The following TRAF6 variants were observed in gnomAD, a reference collection of about 807,000 sequenced individuals.
TRAF6 encodes the protein TNF receptor-associated factor 6.
Under a neutral mutation model 48.4 loss-of-function variants are expected in TRAF6, and 10 were observed. The observed-to-expected ratio is 0.21, with a 90% CI of 0.13 to 0.35. TRAF6 has a LOEUF of 0.35. TRAF6 is among the 10% of genes least tolerant of loss of function. TRAF6 has a pLI of 1.00. For missense variants in TRAF6, 397 were observed against 661.0 expected, an observed-to-expected ratio of 0.60 and a Z score of 4.38; for synonymous variants, 186 against 219.6, an observed-to-expected ratio of 0.85 and a Z score of 1.35.
At position 36,484,044 on chromosome 11, in the gene TRAF6, C is replaced by A. The variant is rs975468378; in HGVS notation, c.*5794G>T. ...TCACAACCTGGGTTGAGAAAGGTCA[C>A]ACTTCTCTACTTACTAAAATGGAGT... On this transcript the variant is annotated 3_prime_UTR_variant, in exon 7 of 7. Transcript: ENST00000526995. 6.6e-6 allele frequency among the ~76,000 whole-genome samples: 1 copy of A among 152,174 alleles called. No individual in the cohort carries two copies. Among genetic ancestry groups the A allele is most frequent in the African/African-American group, 2.4e-5 (1 of 41,434 alleles).
At chr11:36,502,697 C>T (rs1054567598) in intron 1 of TRAF6, among the ~76,000 whole-genome samples, 4 of 152,122 alleles carry the variant, frequency 2.6e-5, no homozygotes, top group African/African-American at 7.2e-5. Context: ...CAATGAGGTA[C>T]TATTCTGGCT....
At position 36,495,047 on chromosome 11, in the gene TRAF6, T is replaced by G; in HGVS notation, c.607A>C (p.Ile203Leu). 6.3e-7 allele frequency: 1 copy of G among 1,598,118 alleles called. No homozygotes were observed. Among genetic ancestry groups the G allele is most frequent in the East Asian group, 2.2e-5 (1 of 44,598 alleles). ...AASMAFEDKE[I>L]HDQNCPLANV... ...GCCAAAGGACAGTTCTGGTCATGGATCTGAATTTTATTAGAGAAATATAAT... is the reference window on the plus strand; with the variant it reads ...GCCAAAGGACAGTTCTGGTCATGGAGCTGAATTTTATTAGAGAAATATAAT... Residue 203 changes from isoleucine to leucine, a missense_variant and splice_region_variant, in exon 5 of 7, where the codon ATC (isoleucine) becomes CTC (leucine). This residue lies in a region of TRAF6 where 245 missense variants were observed against 349.1 expected (regional missense o/e 0.70). Coordinates refer to ENST00000526995, the MANE Select transcript of TRAF6 (RefSeq NM_004620.4).
Position 36,501,495 on chromosome 11 carries a change from T to G in TRAF6, c.21A>C (p.Glu7Asp). ...CAGACTGGCTGGATCCACAGCTGTTTTCACAGTTTAGCAGACTCATAGTAA... is the reference window on the plus strand; with the variant it reads ...CAGACTGGCTGGATCCACAGCTGTTGTCACAGTTTAGCAGACTCATAGTAA... MSLLNC[E>D]NSCGSSQSES... The change falls in exon 2 of 7, where the codon GAA becomes GAC. Residue 7 changes from glutamate (E) to aspartate (D), a missense_variant. Physicochemically the swap from Glu to Asp is conservative, Grantham distance 45. This residue lies in a region of TRAF6 where 73 missense variants were observed against 87.3 expected (regional missense o/e 0.84). Coordinates refer to ENST00000526995, the MANE Select transcript of TRAF6 (RefSeq NM_004620.4). 1 of 1,609,772 alleles carries G rather than the reference T, an allele frequency of 6.2e-7. No homozygotes were observed. The highest frequency in any genetic ancestry group is 8.5e-7 in the Non-Finnish European group (1 of 1,176,678).
At position 36,507,750 on chromosome 11, in the gene TRAF6, CATGT is replaced by C. The variant is rs1426305302; in HGVS notation, c.-23+2294_-23+2297del. On this transcript the variant is annotated intron_variant, in intron 1 of 6. Coordinates refer to ENST00000526995, the MANE Select transcript of TRAF6 (RefSeq NM_004620.4). ...ATATATGTATATATACACATACATA[CATGT>C]ATTATACATATAAACATATACAAAT... 1.0e-4 allele frequency among the ~76,000 whole-genome samples: 14 copies of C among 134,282 alleles called. No homozygotes were observed. In the South Asian group the frequency reaches 1.2e-3, roughly 11 times the overall value. The allele number at this position is 134,282 out of a possible 152,430, so 88.1% of individuals were successfully genotyped here. A position where few individuals can be genotyped will look rare whatever the true frequency, so the allele number is the denominator to read the frequency against.
intron 1 of TRAF6, among the ~76,000 whole-genome samples, chr11:36,507,102 T>C (rs1367439473): frequency 6.7e-6 from 1 of 149,434 alleles, no homozygotes; most frequent in African/African-American, 2.4e-5. Context: ...TATATACGTG[T>C]ATATATGTAT....
chr11:36,484,025 C>A lies in TRAF6; in HGVS notation c.*5813G>T, dbSNP rs1278565893. 1.3e-5 allele frequency among the ~76,000 whole-genome samples: 2 copies of A among 152,136 alleles called. No individual in the cohort carries two copies. The highest frequency in any genetic ancestry group is 2.9e-5 in the Non-Finnish European group (2 of 68,032). The stretch of plus-strand genomic sequence containing the variant: ...GATAAGTGTGAATCCACATTCACAA[C>A]CTGGGTTGAGAAAGGTCACACTTCT... On this transcript the variant is annotated 3_prime_UTR_variant, in exon 7 of 7. Coordinates refer to ENST00000526995, the MANE Select transcript of TRAF6 (RefSeq NM_004620.4).
At position 36,487,004 on chromosome 11, in the gene TRAF6, T is replaced by C. The variant is rs1859493613; in HGVS notation, c.*2834A>G. On this transcript the variant is annotated 3_prime_UTR_variant, in exon 7 of 7. Coordinates refer to ENST00000526995, the MANE Select transcript of TRAF6 (RefSeq NM_004620.4). ...TGCTTGGGAGGCTGAGGCAGGAGAATGGCTTGAGCCCGGGAGGTGGAGGTT... is the reference window on the plus strand; with the variant it reads ...TGCTTGGGAGGCTGAGGCAGGAGAACGGCTTGAGCCCGGGAGGTGGAGGTT... The C allele has an allele frequency of 6.6e-6, 1 of 152,250 alleles. No individual in the cohort carries two copies. The highest frequency in any genetic ancestry group is 6.5e-5 in the Admixed American group (1 of 15,272). The allele number at this position is 152,250 out of a possible 1,614,324, so 9.4% of individuals were successfully genotyped here. A position where few individuals can be genotyped will look rare whatever the true frequency, so the allele number is the denominator to read the frequency against.
intron 4 of TRAF6, among the ~76,000 whole-genome samples, chr11:36,495,976 T>A (rs1253025817): frequency 1.3e-5 from 2 of 152,164 alleles, no homozygotes; most frequent in African/African-American, 4.8e-5. Flanking sequence ...GTTAGCTAAC[T>A]TTTTTTGAAT....
At position 36,494,999 on chromosome 11, in the gene TRAF6, T is replaced by C; in HGVS notation, c.655A>G (p.Asn219Asp). The change falls in exon 5 of 7, where the codon AAT becomes GAT. Residue 219 changes from asparagine (N) to aspartate (D), a missense_variant. This residue lies in a region of TRAF6 where 245 missense variants were observed against 349.1 expected (regional missense o/e 0.70). Coordinates refer to ENST00000526995, the MANE Select transcript of TRAF6 (RefSeq NM_004620.4). The part of the protein sequence containing the change: ...PLANVICEYC[N>D]TILIREQMPN... ...ACCTGTTCTCTGATGAGTATAGTAT[T>C]GCAGTATTCACAGATGACATTTGCC... is the stretch of plus-strand genomic sequence containing the variant. 2 of 1,605,324 alleles carry C rather than the reference T, an allele frequency of 1.2e-6. No individual in the cohort carries two copies. Among genetic ancestry groups the C allele is most frequent in the Non-Finnish European group, 1.7e-6 (2 of 1,172,766 alleles).
At position 36,501,991 on chromosome 11, in the gene TRAF6, C is replaced by T. The variant is rs1859723412; in HGVS notation, c.-22-454G>A. Among the ~76,000 whole-genome samples, 3 of 152,168 alleles carry T rather than the reference C, an allele frequency of 2.0e-5. No individual in the cohort carries two copies. The South Asian group carries it at 6.2e-4, about 32-fold the overall frequency. On this transcript the variant is annotated intron_variant, in intron 1 of 6. Coordinates refer to ENST00000526995, the MANE Select transcript of TRAF6 (RefSeq NM_004620.4). ...TACAGTAAGTGTTCACTAAGCATCG[C>T]TAAAGAACTTATCCATGTTGTTGAA...
chr11:36,489,952 T>C lies in TRAF6; in HGVS notation c.1455A>G (p.Arg485=). The change falls in exon 7 of 7, where the codon AGA becomes AGG. Residue 485 remains arginine (R), a synonymous_variant. Coordinates refer to ENST00000526995, the MANE Select transcript of TRAF6 (RefSeq NM_004620.4). The part of the protein sequence containing the change: ...TFMHLEALRQ[R]TFIKDDTLLV... ...ATAATGTGTCATCCTTAATGAAAGT[T>C]CTTTGTCTTAGGGCTTCCAGATGCA... is the stretch of plus-strand genomic sequence containing the variant. 1.2e-6 allele frequency: 2 copies of C among 1,614,146 alleles called. No homozygotes were observed. The highest frequency in any genetic ancestry group is 1.7e-6 in the Non-Finnish European group (2 of 1,180,012).
chr11:36,491,503 G>T (rs2133665693), intron 6 of TRAF6, among the ~76,000 whole-genome samples: 1 of 152,062 alleles, frequency 6.6e-6, no homozygotes, highest in Non-Finnish European at 1.5e-5. Context: ...ATGTATGTTT[G>T]TTACACATAA....
At chr11:36,498,372 T>G in intron 3 of TRAF6, 118 bp downstream of exon 3, 1 of 853,420 alleles carries the variant, frequency 1.2e-6, no homozygotes, top group Non-Finnish European at 1.7e-6. Flanking sequence ...AGCAAGAATT[T>G]ATTAACCAAT....
intron 5 of TRAF6, among the ~76,000 whole-genome samples, chr11:36,493,944 T>C (rs997640840): frequency 1.1e-4 from 16 of 152,232 alleles, no homozygotes; most frequent in African/African-American, 3.9e-4. Flanking sequence ...TCAATAATGA[T>C]CTCTGGGTTT....
At chr11:36,499,859 T>C (rs1293253357) in intron 2 of TRAF6, among the ~76,000 whole-genome samples, 2 of 152,034 alleles carry the variant, frequency 1.3e-5, no homozygotes, top group Non-Finnish European at 2.9e-5. Flanking sequence ...CTAATATAAC[T>C]AGATGGCTAT....
rs1221458325 is a variant in TRAF6 at position 36,486,023 on chromosome 11, A to G, written c.*3815T>C. Among the ~76,000 whole-genome samples, 1 of 152,128 alleles carries G rather than the reference A, an allele frequency of 6.6e-6. No individual in the cohort carries two copies. Among genetic ancestry groups the G allele is most frequent in the Non-Finnish European group, 1.5e-5 (1 of 68,040 alleles). On this transcript the variant is annotated 3_prime_UTR_variant, in exon 7 of 7. Coordinates refer to ENST00000526995, the MANE Select transcript of TRAF6 (RefSeq NM_004620.4). Reference sequence around the variant, plus strand: ...TTTAGGTTGTAAGCAACTAGGCATCACAAACAGAATCTGATGTTTTTGTTT... The same window carrying G: ...TTTAGGTTGTAAGCAACTAGGCATCGCAAACAGAATCTGATGTTTTTGTTT...
rs991351243 is a variant in TRAF6, at chr11:36,492,745, T to C, written c.679-117A>G. Reference sequence around the variant, plus strand: ...GCTTTGTACCACATTGGCAGTTGAATAGGTGCAGCATAAACCATCACCCAC... The same window carrying C: ...GCTTTGTACCACATTGGCAGTTGAACAGGTGCAGCATAAACCATCACCCAC... On this transcript the variant is annotated intron_variant, in intron 5 of 6. Coordinates refer to ENST00000526995, the MANE Select transcript of TRAF6 (RefSeq NM_004620.4). The C allele has an allele frequency of 3.7e-4, 270 of 734,626 alleles. 1 individual carries two copies. In the Admixed American group the frequency reaches 6.6e-3, roughly 18 times the overall value. 45.5% of individuals were successfully genotyped at this position (734,626 alleles called of 1,614,324 possible). A position where few individuals can be genotyped will look rare whatever the true frequency, so the allele number is the denominator to read the frequency against.
At chr11:36,507,803 A>G (rs1251026103) in intron 1 of TRAF6, among the ~76,000 whole-genome samples, 1 of 144,946 alleles carries the variant, frequency 6.9e-6, no homozygotes, top group African/African-American at 2.5e-5. Flanking sequence ...ATATATGTGT[A>G]TATATACACA....
intron 2 of TRAF6, among the ~76,000 whole-genome samples, chr11:36,499,328 G>A (rs1859684772): frequency 1.3e-5 from 2 of 152,072 alleles, no homozygotes; most frequent in East Asian, 1.9e-4. Context: ...TTCCTTGAGT[G>A]AACATACTCA....
Sources: allele counts gnomAD v4.1 joint callset (sites outside exome capture counted in the v4.1 genomes callset), GRCh38; gene constraint gnomAD v4.1.1; regional missense constraint gnomAD v4.1.1; transcripts MANE v1.5; gene names NCBI Gene and HGNC (gene_info 2026-07-23, HGNC 2026-07-21).